The following NFKB2 variants were observed in gnomAD, a reference collection of about 807,000 sequenced individuals.
The protein encoded by NFKB2 is nuclear factor NF-kappa-B p100 subunit.
In NFKB2, 21 loss-of-function variants were observed where a neutral mutation model predicts 109.3. The ratio of observed to expected loss-of-function variants is 0.19; its 90% CI spans 0.14 to 0.28. The LOEUF (loss-of-function observed/expected upper bound fraction) is 0.28, where lower values mean the gene tolerates loss of function less well. NFKB2 is among the 10% of genes least tolerant of loss of function. NFKB2 has a pLI of 1.00. For missense variants in NFKB2, 806 were observed against 1,185.3 expected, an observed-to-expected ratio of 0.68 and a Z score of 4.70; for synonymous variants, 478 against 489.9, an observed-to-expected ratio of 0.98 and a Z score of 0.32.
chr10:102,399,079 G>T (rs2061168888), intron 12 of NFKB2: 2 of 716,778 alleles, frequency 2.8e-6, no homozygotes, highest in South Asian at 1.9e-5. Flanking sequence ...TGGGCATGGT[G>T]GCAGGCGCCT....
At chr10:102,399,520 G>A in intron 13 of NFKB2, 23 bp downstream of exon 13, 4 of 1,501,606 alleles carry the variant, frequency 2.7e-6, no homozygotes, top group Non-Finnish European at 2.7e-6. Flanking sequence ...GGGCACGGGC[G>A]GTCGGGGCGC....
At position 102,396,667 on chromosome 10, in the gene NFKB2, A is replaced by C; in HGVS notation, c.145-58A>C. The C allele has an allele frequency of 6.4e-7, 1 of 1,567,930 alleles. No individual in the cohort carries two copies. The highest frequency in any genetic ancestry group is 1.1e-5 in the South Asian group (1 of 89,898). Reference sequence around the variant, plus strand: ...AGGGCTACTACCAGGCACTGCGGTCACTGCTGGCCTGGGTGGTCTTCCCTG... The same window carrying C: ...AGGGCTACTACCAGGCACTGCGGTCCCTGCTGGCCTGGGTGGTCTTCCCTG... On this transcript the variant is annotated intron_variant, in intron 4 of 22. Transcript: ENST00000661543. This position sits in a 1 kb window ranked among gnomAD's most constrained non-coding sequence, Gnocchi z 5.9.
At position 102,400,930 on chromosome 10, in the gene NFKB2, G is replaced by A. The variant is rs375150780; in HGVS notation, c.1969-17G>A. 167 of 1,607,382 alleles carry A rather than the reference G, an allele frequency of 1.0e-4. 2 individuals carry two copies. The East Asian group carries it at 1.3e-3, about 13-fold the overall frequency. On this transcript the variant is annotated splice_polypyrimidine_tract_variant and intron_variant, in intron 17 of 22. Transcript: ENST00000661543. The surrounding 1 kb of genome is among the most constrained non-coding windows in gnomAD (Gnocchi z 6.3). ...GGACCATGCTGTGGTGTCAACTCTC[G>A]CTGCTCGCACCCCCAGCTCCGGGCC...
In NFKB2 at chr10:102,397,216, A is replaced by C; in HGVS notation, c.396-86A>C. On this transcript the variant is annotated intron_variant, in intron 6 of 22. Coordinates refer to ENST00000661543, the MANE Select transcript of NFKB2 (RefSeq NM_001322934.2). This position sits in a 1 kb window ranked among gnomAD's most constrained non-coding sequence, Gnocchi z 4.7. ...ACTCCAATGGCTTCCTTGAGGAAGT[A>C]AGGCTGAGCTGAGCCCTGGCAATGG... 6.5e-7 allele frequency: 1 copy of C among 1,543,324 alleles called. No homozygotes were observed. The highest frequency in any genetic ancestry group is 8.9e-7 in the Non-Finnish European group (1 of 1,124,602).
In NFKB2 at chr10:102,401,085, G is replaced by A. The variant is rs553585856; in HGVS notation, c.2071+36G>A. The A allele has an allele frequency of 6.2e-7, 1 of 1,613,446 alleles. No individual in the cohort carries two copies. The highest frequency in any genetic ancestry group is 1.7e-5 in the Admixed American group (1 of 59,992). ...CCCTCAGGGGCACTTGAACAGGGTG[G>A]GGGGAAGGGAGAGAGGTGCCTCCCA... On this transcript the variant is annotated intron_variant, in intron 18 of 22. Coordinates refer to ENST00000661543, the MANE Select transcript of NFKB2 (RefSeq NM_001322934.2). The surrounding 1 kb of genome is among the most constrained non-coding windows in gnomAD (Gnocchi z 4.2).
In NFKB2 at chr10:102,397,531, C is replaced by A; in HGVS notation, c.507C>A (p.Ala169=). Reference sequence around the variant, plus strand: ...ACACATGTACCTACTGCCCAGAGGCCGAGCAGCGGGAGCTGGAGCAAGAGG... The same window carrying A: ...ACACATGTACCTACTGCCCAGAGGCAGAGCAGCGGGAGCTGGAGCAAGAGG... ...LRSRPQGLTE[A]EQRELEQEAK... Residue 169 remains alanine (A), a synonymous_variant, in exon 8 of 23, where the codon GCC becomes GCA. Coordinates refer to ENST00000661543, the MANE Select transcript of NFKB2 (RefSeq NM_001322934.2). The surrounding 1 kb of genome is among the most constrained non-coding windows in gnomAD (Gnocchi z 4.7). The A allele has an allele frequency of 6.2e-7, 1 of 1,612,700 alleles. No individual in the cohort carries two copies.
rs959082915 is a variant in NFKB2 at position 102,398,558 on chromosome 10, G to T, written c.991+35G>T. On this transcript the variant is annotated intron_variant, in intron 11 of 22. Coordinates refer to ENST00000661543, the MANE Select transcript of NFKB2 (RefSeq NM_001322934.2). This position sits in a 1 kb window ranked among gnomAD's most constrained non-coding sequence, Gnocchi z 6.6. ...GGCTGAGGACCTCAGGGTGCTGGCGGGGGGCCAGGCTGGGCTAGAAGAAGG... is the reference window on the plus strand; with the variant it reads ...GGCTGAGGACCTCAGGGTGCTGGCGTGGGGCCAGGCTGGGCTAGAAGAAGG... 1 of 1,610,408 alleles carries T rather than the reference G, an allele frequency of 6.2e-7. No individual in the cohort carries two copies. Among genetic ancestry groups the T allele is most frequent in the Admixed American group, 1.7e-5 (1 of 59,834 alleles).
rs2295587 is a variant in NFKB2 at position 102,398,510 on chromosome 10, C to T, written c.978C>T (p.Tyr326=). The T allele has an allele frequency of 5.3e-4, 850 of 1,613,934 alleles. 15 individuals carry two copies. In the East Asian group the frequency reaches 0.019, roughly 35 times the overall value. Residue 326 remains tyrosine, a synonymous_variant, in exon 11 of 23, where the codon TAC becomes TAT. Coordinates refer to ENST00000661543, the MANE Select transcript of NFKB2 (RefSeq NM_001322934.2). The surrounding 1 kb of genome is among the most constrained non-coding windows in gnomAD (Gnocchi z 6.6). ...CTGATTCCAAACAGTTCACCTATTACCCTCTGGTGGAAGGTGGAGCTGGGC... is the reference window on the plus strand; with the variant it reads ...CTGATTCCAAACAGTTCACCTATTATCCTCTGGTGGAAGGTGGAGCTGGGC... The part of the protein sequence containing the change: ...DVSDSKQFTY[Y]PLVEDKEEVQ...
rs1456925450 is a variant in NFKB2 at position 102,399,593 on chromosome 10, G to A, written c.1344G>A (p.Ala448=). 2 of 1,550,222 alleles carry A rather than the reference G, an allele frequency of 1.3e-6. No individual in the cohort carries two copies. Among genetic ancestry groups the A allele is most frequent in the East Asian group, 2.5e-5 (1 of 40,610 alleles). ...GGCCCGTAGCTCGAGAGTACAACGC[G>A]CGCCTGTTCGGCCTGGCGCAGCGCA... ...EMLQRAREYN[A]RLFGLAQRSA... is the part of the protein sequence containing the mutation. The change falls in exon 14 of 23, where the codon GCG becomes GCA. Residue 448 remains alanine, a synonymous_variant. Coordinates refer to ENST00000661543, the MANE Select transcript of NFKB2 (RefSeq NM_001322934.2).
rs781087102 is a variant in NFKB2, at chr10:102,400,127, A to C, written c.1517A>C (p.Gln506Pro). The C allele has an allele frequency of 5.0e-6, 8 of 1,614,020 alleles. No homozygotes were observed. Among genetic ancestry groups the C allele is most frequent in the African/African-American group, 1.3e-5 (1 of 74,910 alleles). Residue 506 changes from glutamine to proline, a missense_variant, in exon 15 of 23, where the codon CAG becomes CCG. By Grantham distance (76) the Gln-to-Pro change is moderately conservative. Coordinates refer to ENST00000661543, the MANE Select transcript of NFKB2 (RefSeq NM_001322934.2). The surrounding 1 kb of genome is among the most constrained non-coding windows in gnomAD (Gnocchi z 6.3). ...IIHGQTSVIE[Q>P]IVYVIHHAQD... ...CACGGGCAGACCAGTGTCATTGAGC[A>C]GATAGTCTATGTCATCCACCACGCC... is the stretch of plus-strand genomic sequence containing the variant.
At position 102,397,250 on chromosome 10, in the gene NFKB2, C is replaced by A. The variant is rs1195768319; in HGVS notation, c.396-52C>A. On this transcript the variant is annotated intron_variant, in intron 6 of 22. Coordinates refer to ENST00000661543, the MANE Select transcript of NFKB2 (RefSeq NM_001322934.2). This position sits in a 1 kb window ranked among gnomAD's most constrained non-coding sequence, Gnocchi z 4.7. ...CTGAGCCCTGGCAATGGGAAAGGTG[C>A]CTCAGGAAGAAAGAACTGCATGGCC... is the stretch of plus-strand genomic sequence containing the variant. 1.3e-6 allele frequency: 2 copies of A among 1,578,856 alleles called. No individual in the cohort carries two copies. Among genetic ancestry groups the A allele is most frequent in the Non-Finnish European group, 1.7e-6 (2 of 1,149,842 alleles).
At chr10:102,399,825 C>T (rs950675267) in intron 14 of NFKB2, 107 bp downstream of exon 14, 14 of 1,404,802 alleles carry the variant, frequency 1.0e-5, no homozygotes, top group Admixed American at 8.5e-5. Context: ...TCAAGTCCGG[C>T]CTCGGTGTTC....
In NFKB2 at chr10:102,401,993, G is replaced by A. The variant is rs989901857; in HGVS notation, c.2467-55G>A. 6.3e-7 allele frequency: 1 copy of A among 1,580,914 alleles called. No individual in the cohort carries two copies. The highest frequency in any genetic ancestry group is 1.3e-5 in the African/African-American group (1 of 74,198). On this transcript the variant is annotated intron_variant, in intron 21 of 22. Transcript: ENST00000661543. The surrounding 1 kb of genome is among the most constrained non-coding windows in gnomAD (Gnocchi z 4.2). ...GTCCAGGTGCCTCCTTGGCCCCAGGGCTCCCGAGCACATGCCCTAACCATG... is the reference window on the plus strand; with the variant it reads ...GTCCAGGTGCCTCCTTGGCCCCAGGACTCCCGAGCACATGCCCTAACCATG...
chr10:102,401,611 C>T lies in NFKB2; in HGVS notation c.2293+93C>T. On this transcript the variant is annotated intron_variant, in intron 20 of 22. Transcript: ENST00000661543. The surrounding 1 kb of genome is among the most constrained non-coding windows in gnomAD (Gnocchi z 4.2). Reference sequence around the variant, plus strand: ...ACCTCTGAAGGAGGCCTCCCTTTCTCTACCCTCAGCCCCGTCCATCACCCC... The same window carrying T: ...ACCTCTGAAGGAGGCCTCCCTTTCTTTACCCTCAGCCCCGTCCATCACCCC... 2 of 1,537,414 alleles carry T rather than the reference C, an allele frequency of 1.3e-6. No individual in the cohort carries two copies. The highest frequency in any genetic ancestry group is 2.7e-5 in the African/African-American group (2 of 73,428).
Position 102,401,852 on chromosome 10 carries a change from CGCAGCCTGGTA to C in NFKB2, c.2403_2413del (p.Ser802HisfsTer32). On this transcript the variant is annotated frameshift_variant, in exon 21 of 23. Transcript: ENST00000661543. LOFTEE classifies it high-confidence loss of function. This position sits in a 1 kb window ranked among gnomAD's most constrained non-coding sequence, Gnocchi z 4.2. ...AGAGCTGGCAGAGCGTCTGGGGCTG[CGCAGCCTGGTA>C]GACACGTACCGACAGACAACCTCAC... 1 of 1,613,852 alleles carries C rather than the reference CGCAGCCTGGTA, an allele frequency of 6.2e-7. No individual in the cohort carries two copies. Among genetic ancestry groups the C allele is most frequent in the Non-Finnish European group, 8.5e-7 (1 of 1,179,922 alleles).
chr10:102,401,733 T>C lies in NFKB2; in HGVS notation c.2294-12T>C. The C allele has an allele frequency of 6.3e-7, 1 of 1,588,802 alleles. No homozygotes were observed. ...GAGGTAAATGACATGTCTGTATGTG[T>C]GTCCCCCTAAGGGCCGGGACTGTCA... On this transcript the variant is annotated splice_polypyrimidine_tract_variant and intron_variant, in intron 20 of 22. Transcript: ENST00000661543. The surrounding 1 kb of genome is among the most constrained non-coding windows in gnomAD (Gnocchi z 4.2).
rs1425541702 is a variant in NFKB2 at position 102,398,840 on chromosome 10, G to A, written c.1093G>A (p.Gly365Arg). 5.0e-6 allele frequency: 8 copies of A among 1,601,340 alleles called. No homozygotes were observed. The highest frequency in any genetic ancestry group is 6.8e-6 in the Non-Finnish European group (8 of 1,174,068). Residue 365 changes from glycine (G) to arginine (R), a missense_variant, in exon 12 of 23, where the codon GGG becomes AGG. Coordinates refer to ENST00000661543, the MANE Select transcript of NFKB2 (RefSeq NM_001322934.2). The surrounding 1 kb of genome is among the most constrained non-coding windows in gnomAD (Gnocchi z 6.6). ...GGGTGGAGGCTCTGGGGGTGCAGCC[G>A]GGGGCTACGGAGGAGCTGGAGGAGG... ...HMGGGSGGAAGGYGGAGGGGS... is the reference protein window; with the variant it reads ...HMGGGSGGAARGYGGAGGGGS...
chr10:102,401,398 C>G lies in NFKB2; in HGVS notation c.2224-51C>G, dbSNP rs778068880. ...TCCAGAGTATCTGGACTTAAAGACA[C>G]AGGCTTAAGGACGAGGTGGGAGGTA... On this transcript the variant is annotated intron_variant, in intron 19 of 22. Coordinates refer to ENST00000661543, the MANE Select transcript of NFKB2 (RefSeq NM_001322934.2). The surrounding 1 kb of genome is among the most constrained non-coding windows in gnomAD (Gnocchi z 4.2). The G allele has an allele frequency of 1.2e-6, 2 of 1,613,284 alleles. No homozygotes were observed. Among genetic ancestry groups the G allele is most frequent in the African/African-American group, 1.3e-5 (1 of 74,904 alleles).
chr10:102,397,294 C>T lies in NFKB2; in HGVS notation c.396-8C>T, dbSNP rs888029104. ...CATGGCCAAAGGCCTCCGATTCTCT[C>T]TTCTCAGATTTAACAACCTGGGTGT... On this transcript the variant is annotated splice_region_variant and splice_polypyrimidine_tract_variant and intron_variant, in intron 6 of 22. Transcript: ENST00000661543. This position sits in a 1 kb window ranked among gnomAD's most constrained non-coding sequence, Gnocchi z 4.7. 9 of 1,613,216 alleles carry T rather than the reference C, an allele frequency of 5.6e-6. No homozygotes were observed. Among genetic ancestry groups the T allele is most frequent in the African/African-American group, 5.3e-5 (4 of 74,926 alleles).
Sources: allele counts gnomAD v4.1 joint callset, GRCh38; gene constraint gnomAD v4.1.1; non-coding constraint Gnocchi (gnomAD v3.1); transcripts MANE v1.5; gene names NCBI Gene and HGNC (gene_info 2026-07-23, HGNC 2026-07-21).